TNC: variants seen among roughly 807,000 people sequenced by gnomAD.
TNC encodes the protein tenascin C.
A neutral mutation model predicts 202.4 loss-of-function variants in TNC; 109 were observed. The ratio of observed to expected loss-of-function variants is 0.54; its 90% CI spans 0.46 to 0.63. TNC has a LOEUF of 0.63. TNC is among the 30% of genes least tolerant of loss of function. The pLI is 0.00. For synonymous variants in TNC, 1,007 were observed against 1,089.7 expected, an observed-to-expected ratio of 0.92 and a Z score of 1.50; for missense variants, 2,756 against 2,833.3, an observed-to-expected ratio of 0.97 and a Z score of 0.62.
At chr9:115,070,929 GTCTCTGTCCAAAA>G (rs1422491324) in intron 10 of TNC, among the ~76,000 whole-genome samples, 1 of 152,144 alleles carries the variant, frequency 6.6e-6, no homozygotes, top group Non-Finnish European at 1.5e-5. Flanking sequence ...TGCCTCTTAT[GTCTCTGTCCAAAA>G]GCGTCTTCCC....
At position 115,030,316 on chromosome 9, in the gene TNC, C is replaced by G; in HGVS notation, c.6010G>C (p.Gly2004Arg). ...TSGLYTIYLN[G>R]DKAEALEVFC... ...ACTTCCAGCGCCTCAGCCTTATCAC[C>G]ATTCAGATAAATGGTGTAGAGGCCA... is the stretch of plus-strand genomic sequence containing the variant. The change falls in exon 24 of 28, where the codon GGT becomes CGT. Residue 2004 changes from glycine (G) to arginine (R), a missense_variant. By Grantham distance (125) the Gly-to-Arg change is moderately radical. This residue lies in a region of TNC where 197 missense variants were observed against 287.3 expected (regional missense o/e 0.69). Coordinates refer to ENST00000350763, the MANE Select transcript of TNC (RefSeq NM_002160.4). The G allele has an allele frequency of 6.2e-7, 1 of 1,613,938 alleles. No individual in the cohort carries two copies. Among genetic ancestry groups the G allele is most frequent in the East Asian group, 2.2e-5 (1 of 44,870 alleles).
At chr9:115,042,917 A>C (rs1830875153) in intron 17 of TNC, among the ~76,000 whole-genome samples, 1 of 152,182 alleles carries the variant, frequency 6.6e-6, no homozygotes, top group African/African-American at 2.4e-5. Context: ...ACGTTCACAC[A>C]AACACTGACC....
Position 115,020,410 on chromosome 9 carries a change from C to T in TNC, c.*747G>A, listed in dbSNP as rs1332543600. ...TCCCTCTCTCCCAGTCTTTAGTCTC[C>T]TTTCCACCCCTCCCACTTGACCACT... On this transcript the variant is annotated 3_prime_UTR_variant, in exon 28 of 28. Transcript: ENST00000350763. 6.0e-6 allele frequency: 1 copy of T among 166,942 alleles called. No homozygotes were observed. Among genetic ancestry groups the T allele is most frequent in the Non-Finnish European group, 1.3e-5 (1 of 77,972 alleles). The allele number at this position is 166,942 out of a possible 1,614,324, so 10.3% of individuals were successfully genotyped here.
At position 115,048,270 on chromosome 9, in the gene TNC, C is replaced by G. The variant is rs770515495; in HGVS notation, c.4842G>C (p.Glu1614Asp). ...QGHQTKPLRAEIVTEAEPEVD... is the reference protein window; with the variant it reads ...QGHQTKPLRADIVTEAEPEVD... ...CTTGATTTGAAATACCTGTAACAATCTCAGCCCTCAAGGGCTTGGTTTGAT... is the reference window on the plus strand; with the variant it reads ...CTTGATTTGAAATACCTGTAACAATGTCAGCCCTCAAGGGCTTGGTTTGAT... The change falls in exon 16 of 28, where the codon GAG becomes GAC. Residue 1614 changes from glutamate to aspartate, a missense_variant. Glu to Asp is a conservative substitution (Grantham distance 45). This residue lies in a region of TNC where 2,559 missense variants were observed against 2,546.0 expected (regional missense o/e 1.01). Transcript: ENST00000350763. 1.4e-4 allele frequency: 222 copies of G among 1,613,414 alleles called. 3 individuals carry two copies. In the South Asian group the frequency reaches 2.2e-3, roughly 16 times the overall value.
chr9:115,042,184 A>T, intron 18 of TNC, 35 bp downstream of exon 18: 1 of 1,603,046 alleles, frequency 6.2e-7, no homozygotes, highest in Non-Finnish European at 8.5e-7. Flanking sequence ...AACCCACAAC[A>T]CTCCTCCTCT....
At chr9:115,112,718 A>G (rs1837174289) in intron 1 of TNC, 1 of 152,720 alleles carries the variant, frequency 6.5e-6, no homozygotes, top group Non-Finnish European at 1.5e-5. Flanking sequence ...GCGTCTGCCC[A>G]TGGTGGGTCC....
chr9:115,117,794 AAAATT>A (rs1167409911), intron 1 of TNC, among the ~76,000 whole-genome samples, 183 bp downstream of exon 1: 1 of 152,176 alleles, frequency 6.6e-6, no homozygotes, highest in Non-Finnish European at 1.5e-5. Context: ...TAAAACAAAC[AAAATT>A]ACAAGACCAG....
chr9:115,036,301 C>T, intron 20 of TNC, 60 bp from the exon 21 acceptor site: 18 of 1,584,258 alleles, frequency 1.1e-5, no homozygotes, highest in Non-Finnish European at 1.5e-5. Flanking sequence ...CATGAGTGGG[C>T]TTGGCAAACC....
At chr9:115,077,339 A>C (rs1833950641) in intron 7 of TNC, among the ~76,000 whole-genome samples, 1 of 152,202 alleles carries the variant, frequency 6.6e-6, no homozygotes, top group South Asian at 2.1e-4. Flanking sequence ...TACAGGCGTG[A>C]GCCACTGCGC....
chr9:115,022,787 A>G (rs1829178295), intron 27 of TNC, among the ~76,000 whole-genome samples: 1 of 152,200 alleles, frequency 6.6e-6, no homozygotes, highest in African/African-American at 2.4e-5. Flanking sequence ...TGCACAGGGT[A>G]AAAATGATAA....
chr9:115,052,393 A>C (rs1831759296), intron 15 of TNC, among the ~76,000 whole-genome samples: 2 of 151,944 alleles, frequency 1.3e-5, no homozygotes, highest in South Asian at 4.2e-4. Flanking sequence ...ACTGCACAGC[A>C]TGGTGACTGG....
chr9:115,097,758 C>G (rs1835907405), intron 1 of TNC, among the ~76,000 whole-genome samples: 1 of 152,070 alleles, frequency 6.6e-6, no homozygotes, highest in Non-Finnish European at 1.5e-5. Context: ...AGATACATGC[C>G]AAGGTGGTGT....
intron 9 of TNC, among the ~76,000 whole-genome samples, chr9:115,074,598 C>G (rs1272027504): frequency 6.6e-6 from 1 of 152,164 alleles, no homozygotes; most frequent in East Asian, 1.9e-4. Flanking sequence ...ATTTATGCAG[C>G]ATTCCTTGAA....
chr9:115,077,589 G>A (rs75073052), intron 7 of TNC, among the ~76,000 whole-genome samples: 5,145 of 152,276 alleles, frequency 0.034, 247 homozygotes, highest in East Asian at 0.22. Flanking sequence ...AAATAATGCC[G>A]TAGGCTAAAG....
In TNC at chr9:115,086,766, C is replaced by T. The variant is rs145315080; in HGVS notation, c.965G>A (p.Arg322Gln). The T allele has an allele frequency of 6.4e-5, 104 of 1,613,810 alleles. No individual in the cohort carries two copies. In the East Asian group the frequency reaches 6.9e-4, roughly 11 times the overall value. The change falls in exon 3 of 28, where the codon CGG (arginine) becomes CAG (glutamine). Residue 322 changes from arginine (R) to glutamine (Q), a missense_variant. This residue lies in a region of TNC where 2,559 missense variants were observed against 2,546.0 expected (regional missense o/e 1.01). Transcript: ENST00000350763. ...GCAGGTGCCATTGATGCAGCGGCCC[C>T]GGTCGAAGCAGTCATTGGGGCAGAT... ...ELICPNDCFDRGRCINGTCYC... is the reference protein window; with the variant it reads ...ELICPNDCFDQGRCINGTCYC...
intron 15 of TNC, chr9:115,052,737 T>C (rs779857462): frequency 2.1e-5 from 15 of 700,770 alleles, no homozygotes; most frequent in South Asian, 1.2e-4. Flanking sequence ...TCTGATTGAG[T>C]ACCTGTAATG....
chr9:115,025,930 A>G (rs1197928993), intron 26 of TNC, among the ~76,000 whole-genome samples: 2 of 152,198 alleles, frequency 1.3e-5, no homozygotes. Context: ...GAGACCTTCT[A>G]TTTATGAGGA....
At chr9:115,097,547 G>A (rs1835890720) in intron 1 of TNC, among the ~76,000 whole-genome samples, 1 of 152,140 alleles carries the variant, frequency 6.6e-6, no homozygotes, top group African/African-American at 2.4e-5. Context: ...TCAAAAAAGT[G>A]GTATTTGAGA....
chr9:115,071,711 G>A (rs72758651), intron 10 of TNC, among the ~76,000 whole-genome samples: 23,472 of 152,154 alleles, frequency 0.15, 1,952 homozygotes, highest in Non-Finnish European at 0.18. Flanking sequence ...GAAGGAGGAG[G>A]AGGAAGAAGA....
Sources: gnomAD v4.1 joint callset for allele counts (sites outside exome capture counted in the v4.1 genomes callset) on GRCh38, gnomAD v4.1.1 for gene constraint, gnomAD v4.1.1 regional missense constraint, MANE v1.5 for transcripts, NCBI Gene and HGNC (gene_info 2026-07-23, HGNC 2026-07-21) for gene names.